Variants in PCNX1 observed in about 807,000 individuals in gnomAD.
The protein encoded by PCNX1 is pecanex 1.
PCNX1 carries 78 observed loss-of-function variants against 242.2 expected under a neutral mutation model. That is an observed-to-expected ratio of 0.32 (90% confidence interval 0.27 to 0.39). PCNX1 has a LOEUF of 0.39. Ranked by LOEUF, PCNX1 falls within the 10% of genes least tolerant of loss-of-function variation. The pLI is 1.00. For missense variants in PCNX1, 2,581 were observed against 2,856.5 expected, an observed-to-expected ratio of 0.90 and a Z score of 2.20; for synonymous variants, 1,024 against 1,032.9, an observed-to-expected ratio of 0.99 and a Z score of 0.17.
intron 17 of PCNX1, 62 bp from the exon 18 acceptor site, chr14:71,033,869 C>A: frequency 1.2e-6 from 1 of 851,848 alleles, no homozygotes; most frequent in Non-Finnish European, 1.9e-6. Context: ...CTTCATTGCC[C>A]GTTTGAATTA....
intron 30 of PCNX1, among the ~76,000 whole-genome samples, chr14:71,097,384 C>G (rs2062319973): frequency 6.6e-6 from 1 of 152,214 alleles, no homozygotes; most frequent in South Asian, 2.1e-4. Context: ...AAATCTCCAA[C>G]TGCTTTCCAC....
intron 7 of PCNX1, among the ~76,000 whole-genome samples, chr14:70,992,139 T>TA (rs1006126559): frequency 4.6e-5 from 7 of 152,038 alleles, no homozygotes; most frequent in Non-Finnish European, 7.4e-5. Context: ...TTAGTAGGCC[T>TA]AAAAAAGACA....
At chr14:70,923,489 G>A (rs1157668814) in intron 1 of PCNX1, among the ~76,000 whole-genome samples, 3 of 152,108 alleles carry the variant, frequency 2.0e-5, no homozygotes, top group Non-Finnish European at 4.4e-5. Flanking sequence ...TCCAAAAGAT[G>A]ATGAAAGGTT....
chr14:70,961,111 A>G (rs569924868), intron 2 of PCNX1, among the ~76,000 whole-genome samples: 21 of 152,346 alleles, frequency 1.4e-4, no homozygotes, highest in Admixed American at 6.5e-4. Flanking sequence ...TATAGATTCA[A>G]TGCCATCCCC....
intron 2 of PCNX1, among the ~76,000 whole-genome samples, chr14:70,949,374 CAT>C (rs1176845352): frequency 6.0e-5 from 8 of 133,282 alleles, no homozygotes; most frequent in Non-Finnish European, 9.8e-5. Flanking sequence ...TATATAGACA[CAT>C]ACGTGTATAT....
intron 1 of PCNX1, among the ~76,000 whole-genome samples, chr14:70,924,739 C>G (rs1055722774): frequency 3.9e-5 from 6 of 152,028 alleles, no homozygotes; most frequent in Non-Finnish European, 5.9e-5. Context: ...AGCACACACC[C>G]CACCACGCCT....
chr14:70,914,258 A>G (rs1270196334), intron 1 of PCNX1, among the ~76,000 whole-genome samples: 1 of 152,232 alleles, frequency 6.6e-6, no homozygotes, highest in African/African-American at 2.4e-5. Context: ...TGACAGGATC[A>G]TTAGAAGCCA....
chr14:71,041,530 G>A (rs113879900), intron 19 of PCNX1, among the ~76,000 whole-genome samples: 7 of 151,868 alleles, frequency 4.6e-5, no homozygotes, highest in South Asian at 2.1e-4. Flanking sequence ...GAATTTTTGC[G>A]CTATTAATCG....
chr14:70,923,765 T>C lies in PCNX1; in HGVS notation c.153+15762T>C, dbSNP rs550996055. ...AGTATTCCATTGCCTGGATGTATTA[T>C]TTAACCTGTTGCCAGCTGACAGATT... On this transcript the variant is annotated intron_variant, in intron 1 of 35. Transcript: ENST00000304743. Among the ~76,000 whole-genome samples, 244 of 152,342 alleles carry C rather than the reference T, an allele frequency of 1.6e-3. 1 individual carries two copies. The highest frequency in any genetic ancestry group is 3.0e-3 in the Non-Finnish European group (204 of 68,040).
chr14:71,105,158 A>G, intron 32 of PCNX1, 77 bp from the exon 33 acceptor site: 5 of 1,092,996 alleles, frequency 4.6e-6, no homozygotes, highest in Non-Finnish European at 6.9e-6. Flanking sequence ...GCAGTTCAGA[A>G]TAGCTGGAAA....
chr14:71,038,481 C>T (rs1387545630), intron 19 of PCNX1, among the ~76,000 whole-genome samples: 54 of 150,766 alleles, frequency 3.6e-4, no homozygotes, highest in Non-Finnish European at 5.6e-4. Context: ...AAAATGCTCA[C>T]CATCACTGGC....
chr14:71,023,248 T>C lies in PCNX1; in HGVS notation c.3183+16T>C, dbSNP rs2060152111. The C allele has an allele frequency of 9.6e-6, 15 of 1,562,152 alleles. No homozygotes were observed. Among genetic ancestry groups the C allele is most frequent in the Non-Finnish European group, 1.3e-5 (15 of 1,133,064 alleles). On this transcript the variant is annotated intron_variant, in intron 13 of 35. Transcript: ENST00000304743. ...TCCCAGACATGTAAGTCACTCTTAA[T>C]ATGGCTGTACATTATAGGTCCTTAA... is the stretch of plus-strand genomic sequence containing the variant.
intron 28 of PCNX1, among the ~76,000 whole-genome samples, chr14:71,080,913 G>T (rs1176861918): frequency 6.6e-6 from 1 of 152,186 alleles, no homozygotes; most frequent in Non-Finnish European, 1.5e-5. Context: ...GTGTTGAGTA[G>T]GAGTGGTGAG....
chr14:71,035,901 A>G (rs1459556335), intron 18 of PCNX1, among the ~76,000 whole-genome samples, 164 bp from the exon 19 acceptor site: 1 of 152,140 alleles, frequency 6.6e-6, no homozygotes, highest in Non-Finnish European at 1.5e-5. Context: ...GAGAGACTCT[A>G]GAAGTGTTAA....
intron 27 of PCNX1, among the ~76,000 whole-genome samples, chr14:71,075,355 C>T (rs532285669): frequency 6.6e-6 from 1 of 152,172 alleles, no homozygotes; most frequent in Admixed American, 6.5e-5. Flanking sequence ...GGGATGAACG[C>T]TGAGCCTTCC....
At chr14:70,931,105 A>AC (rs995051529) in intron 1 of PCNX1, among the ~76,000 whole-genome samples, 5 of 152,122 alleles carry the variant, frequency 3.3e-5, no homozygotes, top group Non-Finnish European at 1.5e-5. Flanking sequence ...CTCCCTTCTC[A>AC]CCAGCATTCT....
intron 2 of PCNX1, among the ~76,000 whole-genome samples, chr14:70,947,553 A>G (rs1457228108): frequency 6.6e-6 from 1 of 152,188 alleles, no homozygotes; most frequent in Admixed American, 6.5e-5. Flanking sequence ...TCACTTCCTC[A>G]ATCAGTACTC....
chr14:71,107,917 A>C (rs2062667919), intron 33 of PCNX1, among the ~76,000 whole-genome samples: 1 of 152,240 alleles, frequency 6.6e-6, no homozygotes. Context: ...TGATTAAATT[A>C]AGCTAGTTAA....
intron 28 of PCNX1, among the ~76,000 whole-genome samples, chr14:71,087,759 G>A (rs1337524012): frequency 6.6e-6 from 1 of 152,048 alleles, no homozygotes; most frequent in South Asian, 2.1e-4. Flanking sequence ...ATTATTATTT[G>A]GGCTTTCTTA....
Sources: gnomAD v4.1 joint callset for allele counts (sites outside exome capture counted in the v4.1 genomes callset) on GRCh38, gnomAD v4.1.1 for gene constraint, MANE v1.5 for transcripts, NCBI Gene and HGNC (gene_info 2026-07-23, HGNC 2026-07-21) for gene names.